The following PKNOX2 variants were observed in gnomAD, a reference collection of about 807,000 sequenced individuals.
PKNOX2 encodes homeobox protein PKNOX2.
Under a neutral mutation model 53.1 loss-of-function variants are expected in PKNOX2, and 14 were observed. That is an observed-to-expected ratio of 0.26 (90% CI 0.17 to 0.41). The LOEUF (loss-of-function observed/expected upper bound fraction) is 0.41, where lower values mean the gene tolerates loss of function less well. Among genes scored for constraint, PKNOX2 ranks in the 10% least tolerant of loss-of-function variants. The pLI is 1.00. For synonymous variants in PKNOX2, 257 were observed against 242.8 expected (o/e 1.06, Z -0.54); for missense variants, 496 against 602.8 (o/e 0.82, Z 1.85).
chr11:125,251,240 G>T (rs114955540), intron 2 of PKNOX2, among the ~76,000 whole-genome samples: 50 of 152,254 alleles, frequency 3.3e-4, no homozygotes, highest in African/African-American at 1.2e-3. Flanking sequence ...AGCTTATTAG[G>T]TTGAATATTT....
intron 1 of PKNOX2, among the ~76,000 whole-genome samples, chr11:125,203,089 G>A (rs1395735879): frequency 6.6e-6 from 1 of 152,042 alleles, no homozygotes; most frequent in Non-Finnish European, 1.5e-5. Context: ...AAAATCCCCA[G>A]ATCTAACCAA....
At chr11:125,252,201 G>A (rs1489463259) in intron 2 of PKNOX2, among the ~76,000 whole-genome samples, 1 of 152,182 alleles carries the variant, frequency 6.6e-6, no homozygotes, top group Non-Finnish European at 1.5e-5. Context: ...GGAGCTTGGT[G>A]AATCACATCC....
intron 1 of PKNOX2, among the ~76,000 whole-genome samples, chr11:125,222,301 C>T (rs1208986677): frequency 6.6e-6 from 1 of 151,996 alleles, no homozygotes; most frequent in African/African-American, 2.4e-5. Context: ...TTTCCTTCAA[C>T]CTTTCTCTGA....
chr11:125,348,579 C>T (rs1591537255), intron 3 of PKNOX2, among the ~76,000 whole-genome samples: 1 of 152,222 alleles, frequency 6.6e-6, no homozygotes, highest in African/African-American at 2.4e-5. Context: ...ACAGTCTCCT[C>T]TCAGCCTCAT....
chr11:125,317,504 G>T (rs970438333), intron 2 of PKNOX2, among the ~76,000 whole-genome samples: 1 of 152,224 alleles, frequency 6.6e-6, no homozygotes, highest in Admixed American at 6.5e-5. Flanking sequence ...TGGATGTTGT[G>T]TTAGCAGGCA....
At chr11:125,263,834 C>G (rs1420737882) in intron 2 of PKNOX2, among the ~76,000 whole-genome samples, 1 of 152,244 alleles carries the variant, frequency 6.6e-6, no homozygotes, top group Non-Finnish European at 1.5e-5. Context: ...AGTGTCAGGT[C>G]TTTGTCTGAA....
At chr11:125,393,567 G>A (rs1043898095) in intron 6 of PKNOX2, among the ~76,000 whole-genome samples, 9 of 152,244 alleles carry the variant, frequency 5.9e-5, no homozygotes, top group Admixed American at 2.0e-4. Flanking sequence ...ACCATCAGGC[G>A]TGAATTGAGG....
chr11:125,234,046 C>T (rs983514157), intron 1 of PKNOX2, among the ~76,000 whole-genome samples: 8 of 152,172 alleles, frequency 5.3e-5, no homozygotes, highest in East Asian at 1.9e-4. Flanking sequence ...GCCTTTCTGC[C>T]CCTTGGCCCT....
At position 125,174,876 on chromosome 11, in the gene PKNOX2, G is replaced by A. The variant is rs144359660; in HGVS notation, c.-201+10100G>A. 2.4e-4 allele frequency among the ~76,000 whole-genome samples: 36 copies of A among 152,220 alleles called. 1 individual carries two copies. Among genetic ancestry groups the A allele is most frequent in the Admixed American group, 1.0e-3 (16 of 15,284 alleles). ...TCTCCCACTCTGCCCCCCACCCACCGGCTCTGGGAGGAGACAACTGGTTTC... is the reference window on the plus strand; with the variant it reads ...TCTCCCACTCTGCCCCCCACCCACCAGCTCTGGGAGGAGACAACTGGTTTC... On this transcript the variant is annotated intron_variant, in intron 1 of 12. Transcript: ENST00000298282.
At chr11:125,376,319 C>T (rs542131560) in intron 5 of PKNOX2, among the ~76,000 whole-genome samples, 34 of 152,320 alleles carry the variant, frequency 2.2e-4, no homozygotes, top group Non-Finnish European at 4.6e-4. Flanking sequence ...AAAATACACC[C>T]GCATGGTTTC....
intron 1 of PKNOX2, among the ~76,000 whole-genome samples, chr11:125,199,430 A>G (rs1938175867): frequency 6.6e-6 from 1 of 152,202 alleles, no homozygotes; most frequent in African/African-American, 2.4e-5. Context: ...AGTGCTAATT[A>G]AATATATTAT....
chr11:125,302,688 C>T (rs2135964410), intron 2 of PKNOX2, among the ~76,000 whole-genome samples: 1 of 152,324 alleles, frequency 6.6e-6, no homozygotes. Flanking sequence ...GCATCCCATA[C>T]CTAACGGGAA....
At chr11:125,353,063 A>G (rs923375505) in intron 4 of PKNOX2, among the ~76,000 whole-genome samples, 1 of 152,216 alleles carries the variant, frequency 6.6e-6, no homozygotes, top group Non-Finnish European at 1.5e-5. Flanking sequence ...ACCCATTCCC[A>G]TTCCACTCAG....
intron 2 of PKNOX2, among the ~76,000 whole-genome samples, 182 bp downstream of exon 2, chr11:125,235,297 C>A (rs1942575117): frequency 6.6e-6 from 1 of 152,120 alleles, no homozygotes; most frequent in South Asian, 2.1e-4. Context: ...ACAAAGAGGC[C>A]CTGTAATATG....
At position 125,293,658 on chromosome 11, in the gene PKNOX2, C is replaced by T. The variant is rs997080113; in HGVS notation, c.-129-38161C>T. On this transcript the variant is annotated intron_variant, in intron 2 of 12. Coordinates refer to ENST00000298282, the MANE Select transcript of PKNOX2 (RefSeq NM_001382323.2). ...CTTTTGCAAATCTTGTCTCTTTAAA[C>T]TCAGGGAAGAATCAGGCCGCGTTGA... Among the ~76,000 whole-genome samples the T allele has an allele frequency of 3.3e-5, 5 of 152,154 alleles. No individual in the cohort carries two copies. The East Asian group carries it at 9.6e-4, about 29-fold the overall frequency.
At chr11:125,293,813 T>C (rs552874516) in intron 2 of PKNOX2, among the ~76,000 whole-genome samples, 1 of 151,102 alleles carries the variant, frequency 6.6e-6, no homozygotes, top group African/African-American at 2.4e-5. Context: ...TCACACACAC[T>C]CACACACACT....
chr11:125,227,198 G>A (rs1346265587), intron 1 of PKNOX2, among the ~76,000 whole-genome samples: 1 of 152,166 alleles, frequency 6.6e-6, no homozygotes, highest in Admixed American at 6.5e-5. Context: ...CTGTCCTGGA[G>A]TCACCTGGGG....
intron 1 of PKNOX2, among the ~76,000 whole-genome samples, chr11:125,207,324 C>A (rs1565469359): frequency 6.6e-6 from 1 of 151,724 alleles, no homozygotes; most frequent in African/African-American, 2.4e-5. Flanking sequence ...TAGCTGGAGA[C>A]GTCTAGCAGG....
intron 6 of PKNOX2, among the ~76,000 whole-genome samples, chr11:125,392,603 G>A (rs1238612769): frequency 6.6e-6 from 1 of 152,114 alleles, no homozygotes; most frequent in African/African-American, 2.4e-5. Context: ...TGCTGTGCGT[G>A]TATTTTATTT....
Sources: allele counts gnomAD v4.1 joint callset (sites outside exome capture counted in the v4.1 genomes callset), GRCh38; gene constraint gnomAD v4.1.1; transcripts MANE v1.5; gene names NCBI Gene and HGNC (gene_info 2026-07-23, HGNC 2026-07-21).